Variants in PRKCA observed in about 807,000 individuals in gnomAD.
The protein encoded by PRKCA is protein kinase C alpha type.
A neutral mutation model predicts 87.0 loss-of-function variants in PRKCA; 27 were observed. The ratio of observed to expected loss-of-function variants is 0.31; its 90% CI spans 0.23 to 0.43. The LOEUF is 0.43. Ranked by LOEUF, PRKCA falls within the 20% of genes least tolerant of loss-of-function variation. The pLI is 1.00. For missense variants in PRKCA, 518 were observed against 852.3 expected (o/e 0.61, Z 4.88); for synonymous variants, 329 against 311.1 (o/e 1.06, Z -0.61).
At chr17:66,588,605 T>C (rs187577367) in intron 3 of PRKCA, among the ~76,000 whole-genome samples, 1 of 151,714 alleles carries the variant, frequency 6.6e-6, no homozygotes, top group Non-Finnish European at 1.5e-5. Flanking sequence ...GAGCCTTTTT[T>C]ATTTCTTTCT....
chr17:66,357,504 T>C (rs1173990883), intron 2 of PRKCA, among the ~76,000 whole-genome samples: 1 of 152,212 alleles, frequency 6.6e-6, no homozygotes, highest in Non-Finnish European at 1.5e-5. Context: ...TTATAAAAAA[T>C]GTCTATTTCT....
At chr17:66,662,348 T>C (rs972742525) in intron 5 of PRKCA, among the ~76,000 whole-genome samples, 7 of 152,228 alleles carry the variant, frequency 4.6e-5, no homozygotes, top group Admixed American at 6.5e-5. Context: ...CAACATTGGC[T>C]GTCTTCCTGT....
chr17:66,531,066 A>G (rs12450374), intron 3 of PRKCA, among the ~76,000 whole-genome samples: 5,442 of 152,226 alleles, frequency 0.036, 126 homozygotes, highest in Non-Finnish European at 0.051. Flanking sequence ...TTTGTTGGCA[A>G]TTAGGAGCTT....
At chr17:66,515,358 CCATGTGTGCACA>C (rs1966934043) in intron 3 of PRKCA, among the ~76,000 whole-genome samples, 1 of 151,728 alleles carries the variant, frequency 6.6e-6, no homozygotes, top group Non-Finnish European at 1.5e-5. Flanking sequence ...GATTGCCTTA[CCATGTGTGCACA>C]CGTGTGTGTA....
At position 66,542,374 on chromosome 17, in the gene PRKCA, T is replaced by C. The variant is rs535105953; in HGVS notation, c.288+46091T>C. 1.0e-3 allele frequency among the ~76,000 whole-genome samples: 155 copies of C among 152,224 alleles called. 2 individuals carry two copies. In the South Asian group the frequency reaches 0.015, roughly 15 times the overall value. On this transcript the variant is annotated intron_variant, in intron 3 of 16. Transcript: ENST00000413366. ...GTGTGGTTGGGAGATAGGCAGTTAG[T>C]AAGCCATGTGTGCTGTGAGAAAACC...
chr17:66,519,845 A>G (rs1442348749), intron 3 of PRKCA, among the ~76,000 whole-genome samples: 1 of 152,212 alleles, frequency 6.6e-6, no homozygotes, highest in Admixed American at 6.5e-5. Flanking sequence ...CCTATGTTTG[A>G]GAATCACAAC....
At chr17:66,455,713 G>A (rs1208557896) in intron 2 of PRKCA, among the ~76,000 whole-genome samples, 1 of 152,136 alleles carries the variant, frequency 6.6e-6, no homozygotes, top group African/African-American at 2.4e-5. Context: ...AGAACACAAG[G>A]GTGGGAAGAA....
At chr17:66,537,733 T>G (rs1164796570) in intron 3 of PRKCA, among the ~76,000 whole-genome samples, 1 of 152,222 alleles carries the variant, frequency 6.6e-6, no homozygotes, top group Non-Finnish European at 1.5e-5. Context: ...CTGAAGCTCC[T>G]AGACGTTTTA....
chr17:66,397,838 G>A (rs549314098), intron 2 of PRKCA, among the ~76,000 whole-genome samples: 31 of 152,212 alleles, frequency 2.0e-4, no homozygotes, highest in African/African-American at 4.3e-4. Context: ...CACCACTGTC[G>A]TCCAACTCTG....
intron 2 of PRKCA, among the ~76,000 whole-genome samples, chr17:66,475,762 ATTAAT>A (rs1915510492): frequency 6.6e-6 from 1 of 152,182 alleles, no homozygotes; most frequent in Admixed American, 6.5e-5. Flanking sequence ...GTAGGAACTG[ATTAAT>A]GCCCAGGGGA....
chr17:66,652,598 T>C (rs1050506774), intron 5 of PRKCA, among the ~76,000 whole-genome samples: 1 of 151,960 alleles, frequency 6.6e-6, no homozygotes, highest in African/African-American at 2.4e-5. Flanking sequence ...GAAGAGAGCG[T>C]GTGTGCAGGC....
chr17:66,525,250 A>C (rs1967307569), intron 3 of PRKCA, among the ~76,000 whole-genome samples: 1 of 152,236 alleles, frequency 6.6e-6, no homozygotes, highest in Non-Finnish European at 1.5e-5. Context: ...GCCATCAGGC[A>C]CCTGCAGCTG....
At chr17:66,365,959 G>A (rs1375620928) in intron 2 of PRKCA, among the ~76,000 whole-genome samples, 1 of 152,160 alleles carries the variant, frequency 6.6e-6, no homozygotes, top group Non-Finnish European at 1.5e-5. Flanking sequence ...TGTCTCTCCT[G>A]AGTAGTCTGA....
In PRKCA at chr17:66,792,332, A is replaced by G. The variant is rs1975560855; in HGVS notation, c.1854+3353A>G. On this transcript the variant is annotated intron_variant, in intron 16 of 16. Coordinates refer to ENST00000413366, the MANE Select transcript of PRKCA (RefSeq NM_002737.3). This position sits in a 1 kb window ranked among gnomAD's most constrained non-coding sequence, Gnocchi z 4.5. Reference sequence around the variant, plus strand: ...CAAACTGCTTCTACAGATCAGATTGAGCTTGTAGGATCAGGAGTCTATCAT... The same window carrying G: ...CAAACTGCTTCTACAGATCAGATTGGGCTTGTAGGATCAGGAGTCTATCAT... Among the ~76,000 whole-genome samples, 1 of 152,192 alleles carries G rather than the reference A, an allele frequency of 6.6e-6. No homozygotes were observed. The highest frequency in any genetic ancestry group is 2.1e-4 in the South Asian group (1 of 4,824).
chr17:66,554,933 G>A (rs1393877082), intron 3 of PRKCA, among the ~76,000 whole-genome samples: 1 of 149,894 alleles, frequency 6.7e-6, no homozygotes, highest in African/African-American at 2.5e-5. Context: ...AGGCTGGAGA[G>A]CAGTGGCACG....
chr17:66,424,005 A>G (rs556311197), intron 2 of PRKCA, among the ~76,000 whole-genome samples: 7 of 152,314 alleles, frequency 4.6e-5, no homozygotes, highest in African/African-American at 1.7e-4. Flanking sequence ...ACTTTGCAGC[A>G]TTATGATAAT....
In PRKCA at chr17:66,461,571, T is replaced by C. The variant is rs546138774; in HGVS notation, c.206-34630T>C. ...TAGTTATCTCCTAATTCTGTGCTTA[T>C]TTTGTGTTGCAGCAAGTGAAGCTCA... On this transcript the variant is annotated intron_variant, in intron 2 of 16. Coordinates refer to ENST00000413366, the MANE Select transcript of PRKCA (RefSeq NM_002737.3). Among the ~76,000 whole-genome samples, 209 of 152,304 alleles carry C rather than the reference T, an allele frequency of 1.4e-3. 3 individuals carry two copies. Among genetic ancestry groups the C allele is most frequent in the Non-Finnish European group, 1.8e-3 (123 of 68,036 alleles).
chr17:66,426,153 GAGTGAA>G (rs1241511436), intron 2 of PRKCA, among the ~76,000 whole-genome samples: 1 of 152,192 alleles, frequency 6.6e-6, no homozygotes. Flanking sequence ...AAGGAAGCAA[GAGTGAA>G]AGTCTAGGAT....
intron 3 of PRKCA, among the ~76,000 whole-genome samples, chr17:66,608,170 CTGAT>C (rs1970262980): frequency 6.6e-6 from 1 of 151,974 alleles, no homozygotes; most frequent in South Asian, 2.1e-4. Context: ...CTGAAGCACA[CTGAT>C]TGGAGCACAC....
Sources: gnomAD v4.1 joint callset for allele counts (sites outside exome capture counted in the v4.1 genomes callset) on GRCh38, gnomAD v4.1.1 for gene constraint, Gnocchi (gnomAD v3.1) non-coding constraint, MANE v1.5 for transcripts, NCBI Gene and HGNC (gene_info 2026-07-23, HGNC 2026-07-21) for gene names.